GGA2: variants seen among roughly 807,000 people sequenced by gnomAD.
GGA2 encodes the protein ADP-ribosylation factor-binding protein GGA2.
Under a neutral mutation model 79.5 loss-of-function variants are expected in GGA2, and 48 were observed. That is an observed-to-expected ratio of 0.60 (90% CI 0.48 to 0.77). The LOEUF is 0.77. Ranked by LOEUF, GGA2 falls within the 30% of genes least tolerant of loss-of-function variation. The pLI, the probability that GGA2 is intolerant of heterozygous loss-of-function variation, is 0.00. For missense variants in GGA2, 770 were observed against 774.0 expected, an observed-to-expected ratio of 0.99 and a Z score of 0.06; for synonymous variants, 317 against 302.0, an observed-to-expected ratio of 1.05 and a Z score of -0.51.
intron 9 of GGA2, among the ~76,000 whole-genome samples, chr16:23,481,648 C>T (rs367779965): frequency 1.3e-5 from 2 of 152,046 alleles, no homozygotes; most frequent in East Asian, 3.9e-4. Flanking sequence ...TGGTGCGCAA[C>T]TGTAGTCCCA....
intron 8 of GGA2, 55 bp from the exon 9 acceptor site, chr16:23,483,059 C>A (rs1596983375): frequency 7.2e-6 from 8 of 1,115,838 alleles, no homozygotes; most frequent in Admixed American, 3.5e-5. Flanking sequence ...ATAACGCCCC[C>A]CTCCAGGGCC....
intron 14 of GGA2, among the ~76,000 whole-genome samples, chr16:23,472,508 T>G (rs1288012262): frequency 6.6e-6 from 1 of 151,532 alleles, no homozygotes; most frequent in South Asian, 2.1e-4. Flanking sequence ...TGTAGCCCTG[T>G]TTTTAACAGC....
intron 15 of GGA2, 156 bp from the exon 16 acceptor site, chr16:23,469,152 G>C: frequency 5.4e-6 from 3 of 552,232 alleles, no homozygotes; most frequent in Non-Finnish European, 6.6e-6. Flanking sequence ...AGCCCAAGCA[G>C]ACAGACTCCC....
At chr16:23,518,799 TTCA>T (rs1723061450) in intron 2 of GGA2, among the ~76,000 whole-genome samples, 1 of 152,236 alleles carries the variant, frequency 6.6e-6, no homozygotes, top group African/African-American at 2.4e-5. Flanking sequence ...CAAACACTTT[TTCA>T]TCATGAGATC....
intron 1 of GGA2, chr16:23,501,283 T>C (rs759487415): frequency 3.5e-5 from 16 of 456,468 alleles, no homozygotes; most frequent in Non-Finnish European, 5.7e-5. Flanking sequence ...GTCCTACTAA[T>C]TGGAAAAAGA....
At chr16:23,477,967 C>T (rs368710191) in intron 13 of GGA2, among the ~76,000 whole-genome samples, 123 of 151,768 alleles carry the variant, frequency 8.1e-4, no homozygotes, top group African/African-American at 2.5e-3. Context: ...GCCAGGCAGA[C>T]GGATCACCTG....
intron 14 of GGA2, among the ~76,000 whole-genome samples, chr16:23,472,434 G>A (rs1464558229): frequency 6.6e-6 from 1 of 151,524 alleles, no homozygotes; most frequent in Non-Finnish European, 1.5e-5. Flanking sequence ...CTGACCTCAG[G>A]TGCTCCACCC....
intron 1 of GGA2, among the ~76,000 whole-genome samples, chr16:23,505,710 C>T (rs920960100): frequency 7.0e-6 from 1 of 142,186 alleles, no homozygotes; most frequent in African/African-American, 2.5e-5. Flanking sequence ...GTCTGGCCAT[C>T]TTCATATTTC....
At chr16:23,497,619 T>A (rs1442391021) in intron 1 of GGA2, among the ~76,000 whole-genome samples, 2 of 152,198 alleles carry the variant, frequency 1.3e-5, no homozygotes, top group African/African-American at 4.8e-5. Context: ...CTCTCTCCCA[T>A]GTTCCGTATC....
chr16:23,465,329 A>G lies in GGA2; in HGVS notation c.*2261T>C, dbSNP rs1964421912. On this transcript the variant is annotated 3_prime_UTR_variant, in exon 17 of 17. Coordinates refer to ENST00000309859, the MANE Select transcript of GGA2 (RefSeq NM_015044.4). ...AATGAAGAGGTAGGAGCTGGGCTCT[A>G]AGTGGCCACTGGACTTGCTGATTAG... The G allele has an allele frequency of 1.4e-6, 1 of 702,812 alleles. No homozygotes were observed. The highest frequency in any genetic ancestry group is 2.6e-6 in the Non-Finnish European group (1 of 384,820). 43.5% of individuals were successfully genotyped at this position (702,812 alleles called of 1,614,324 possible). A position where few individuals can be genotyped will look rare whatever the true frequency, so the allele number is the denominator to read the frequency against.
intron 13 of GGA2, among the ~76,000 whole-genome samples, chr16:23,476,410 G>A (rs1964577331): frequency 6.6e-6 from 1 of 152,142 alleles, no homozygotes; most frequent in Admixed American, 6.5e-5. Context: ...CTATGAAAAT[G>A]TTGTTACATT....
At chr16:23,503,144 T>C (rs1303341518) in intron 1 of GGA2, among the ~76,000 whole-genome samples, 1 of 152,240 alleles carries the variant, frequency 6.6e-6, no homozygotes, top group Non-Finnish European at 1.5e-5. Flanking sequence ...GAATCCCTAT[T>C]TTCTTTCTTG....
chr16:23,518,795 C>G (rs919155625), intron 2 of GGA2, among the ~76,000 whole-genome samples: 1 of 152,182 alleles, frequency 6.6e-6, no homozygotes, highest in Non-Finnish European at 1.5e-5. Flanking sequence ...TCCTCAAACA[C>G]TTTTTCATCA....
At chr16:23,494,412 G>A (rs765034623) in intron 2 of GGA2, 34 bp from the exon 3 acceptor site, 16 of 1,440,424 alleles carry the variant, frequency 1.1e-5, no homozygotes, top group South Asian at 4.6e-5. Flanking sequence ...GACTCTGGGC[G>A]GGCAAAAAGA....
chr16:23,469,334 T>G (rs1246178207), intron 15 of GGA2: 1 of 240,228 alleles, frequency 4.2e-6, no homozygotes, highest in Non-Finnish European at 8.6e-6. Flanking sequence ...ATATTTAATT[T>G]CTGAGCCTTG....
intron 15 of GGA2, 71 bp downstream of exon 15, chr16:23,469,925 T>C: frequency 8.7e-7 from 1 of 1,147,156 alleles, no homozygotes; most frequent in Non-Finnish European, 1.2e-6. Context: ...ACTCGACAGG[T>C]AAGTCCCAGA....
intron 1 of GGA2, among the ~76,000 whole-genome samples, chr16:23,497,282 G>A (rs1162636566): frequency 6.6e-6 from 1 of 152,080 alleles, no homozygotes; most frequent in South Asian, 2.1e-4. Context: ...CTCCTGGCCC[G>A]AGTGTCCACT....
chr16:23,481,964 G>T (rs1964654451), intron 9 of GGA2, among the ~76,000 whole-genome samples: 1 of 151,516 alleles, frequency 6.6e-6, no homozygotes, highest in Admixed American at 6.6e-5. Context: ...CTGAATCTTT[G>T]ATTATTCTGA....
chr16:23,465,441 C>A lies in GGA2; in HGVS notation c.*2149G>T, dbSNP rs1964423516. The A allele has an allele frequency of 1.4e-6, 1 of 702,612 alleles. No individual in the cohort carries two copies. The allele number at this position is 702,612 out of a possible 1,614,324, so 43.5% of individuals were successfully genotyped here. On this transcript the variant is annotated 3_prime_UTR_variant, in exon 17 of 17. Coordinates refer to ENST00000309859, the MANE Select transcript of GGA2 (RefSeq NM_015044.4). ...ACCCCTATCCTGTCCAACACCTAAG[C>A]ATAGTAGTACCACTGGGAGTCTGTC...
Sources: allele counts gnomAD v4.1 joint callset (sites outside exome capture counted in the v4.1 genomes callset), GRCh38; gene constraint gnomAD v4.1.1; transcripts MANE v1.5; gene names NCBI Gene and HGNC (gene_info 2026-07-23, HGNC 2026-07-21).